ANK2: variants seen among roughly 807,000 people sequenced by gnomAD.
ANK2 encodes ankyrin 2, also known as ankyrin-2.
In ANK2, 83 loss-of-function variants were observed where a neutral mutation model predicts 360.5. The ratio of observed to expected loss-of-function variants is 0.23; its 90% confidence interval spans 0.19 to 0.28. The LOEUF is 0.28. Among genes scored for constraint, ANK2 ranks in the 10% least tolerant of loss-of-function variants. ANK2 has a pLI of 1.00. For missense variants in ANK2, 4,201 were observed against 4,795.7 expected, an observed-to-expected ratio of 0.88 and a Z score of 3.66; for synonymous variants, 1,740 against 1,759.5, an observed-to-expected ratio of 0.99 and a Z score of 0.28.
At chr4:112,936,663 C>T (rs1422752543) in intron 2 of ANK2, among the ~76,000 whole-genome samples, 1 of 152,112 alleles carries the variant, frequency 6.6e-6, no homozygotes, top group East Asian at 1.9e-4. Context: ...CATTTTTAAA[C>T]TCGTTTTAGT....
intron 1 of ANK2, among the ~76,000 whole-genome samples, chr4:113,091,007 G>A (rs562396518): frequency 6.6e-6 from 1 of 152,308 alleles, no homozygotes; most frequent in Non-Finnish European, 1.5e-5. Flanking sequence ...TGGTACATCA[G>A]TGACAAAGGA....
In ANK2 at chr4:113,304,549, T is replaced by C. The variant is rs2076366028; in HGVS notation, c.2548+1710T>C. Reference sequence around the variant, plus strand: ...CATAATTATATAATCTAATGAACATTATATAAATATTTTTCCACAACTATT... The same window carrying C: ...CATAATTATATAATCTAATGAACATCATATAAATATTTTTCCACAACTATT... On this transcript the variant is annotated intron_variant, in intron 23 of 45. Coordinates refer to ENST00000357077, the MANE Select transcript of ANK2 (RefSeq NM_001148.6). Among the ~76,000 whole-genome samples, 3 of 152,162 alleles carry C rather than the reference T, an allele frequency of 2.0e-5. No individual in the cohort carries two copies. In the South Asian group the frequency reaches 6.2e-4, roughly 32 times the overall value.
At chr4:112,750,734 C>T in the ANK2 span, among the ~76,000 whole-genome samples, 2 of 146,014 alleles carry the variant, frequency 1.4e-5, no homozygotes, top group African/African-American at 5.0e-5. Context: ...TTCCTTTTTT[C>T]TTTTTTTTTT....
intron 1 of ANK2, among the ~76,000 whole-genome samples, chr4:113,105,325 A>G (rs1412007918): frequency 1.3e-5 from 2 of 152,188 alleles, no homozygotes; most frequent in East Asian, 3.8e-4. Flanking sequence ...TTTGGAAGTC[A>G]GTATCAAGTG....
At chr4:113,308,449 T>C (rs2078290503) in intron 23 of ANK2, among the ~76,000 whole-genome samples, 1 of 152,208 alleles carries the variant, frequency 6.6e-6, no homozygotes, top group Non-Finnish European at 1.5e-5. Context: ...AATACAGATC[T>C]GTGTATTGTT....
chr4:112,852,318 G>T (rs2065206256), intron 1 of ANK2, among the ~76,000 whole-genome samples: 1 of 151,954 alleles, frequency 6.6e-6, no homozygotes, highest in East Asian at 1.9e-4. Context: ...CACCCAGATG[G>T]CTCTCTGTGT....
At chr4:113,281,965 A>G (rs930076758) in intron 17 of ANK2, among the ~76,000 whole-genome samples, 13 of 152,218 alleles carry the variant, frequency 8.5e-5, no homozygotes, top group African/African-American at 2.9e-4. Flanking sequence ...AATGCAACCC[A>G]TTAAAGACAG....
intron 1 of ANK2, among the ~76,000 whole-genome samples, chr4:112,849,042 C>T (rs2064005973): frequency 6.6e-6 from 1 of 152,192 alleles, no homozygotes. Flanking sequence ...AATGTAGTTT[C>T]ATAGTCCATG....
chr4:112,765,638 G>T, the ANK2 span, among the ~76,000 whole-genome samples: 2 of 148,050 alleles, frequency 1.4e-5, no homozygotes, highest in African/African-American at 5.0e-5. Flanking sequence ...CTGTGTTCTG[G>T]AACAACTCCC....
Position 113,245,162 on chromosome 4 carries a change from A to G in ANK2, c.891+2953A>G, listed in dbSNP as rs925075543. Among the ~76,000 whole-genome samples, 6 of 152,102 alleles carry G rather than the reference A, an allele frequency of 3.9e-5. No individual in the cohort carries two copies. In the East Asian group the frequency reaches 7.7e-4, roughly 20 times the overall value. On this transcript the variant is annotated intron_variant, in intron 9 of 45. Transcript: ENST00000357077. ...TTAAAAGCATTGTTGGGTTCTTTTC[A>G]TTCTGGCTACAGCTAACAGACCTAT...
chr4:113,029,739 C>G (rs1301054450), intron 2 of ANK2, among the ~76,000 whole-genome samples: 1 of 152,062 alleles, frequency 6.6e-6, no homozygotes, highest in Admixed American at 6.6e-5. Flanking sequence ...TGCTTGCTCT[C>G]TGTCCATCCA....
intron 18 of ANK2, among the ~76,000 whole-genome samples, chr4:113,284,546 T>C (rs1249969207): frequency 1.3e-5 from 2 of 152,220 alleles, no homozygotes; most frequent in African/African-American, 2.4e-5. Flanking sequence ...TTCTTCTAAA[T>C]ACATTACTTT....
intron 1 of ANK2, among the ~76,000 whole-genome samples, chr4:113,076,714 T>G (rs2080159368): frequency 6.6e-6 from 1 of 151,764 alleles, no homozygotes; most frequent in Non-Finnish European, 1.5e-5. Context: ...GAGGATCACT[T>G]GAGTCTGGGA....
chr4:112,836,363 A>G (rs2060988125), intron 1 of ANK2, among the ~76,000 whole-genome samples: 1 of 152,208 alleles, frequency 6.6e-6, no homozygotes, highest in East Asian at 1.9e-4. Flanking sequence ...CTCAGGTAGT[A>G]TCTTTATAGC....
intron 1 of ANK2, among the ~76,000 whole-genome samples, chr4:112,894,515 G>A (rs1023847321): frequency 2.0e-5 from 3 of 152,142 alleles, no homozygotes; most frequent in Admixed American, 6.5e-5. Flanking sequence ...AAGAGTTGAC[G>A]ATAATGGAAG....
chr4:113,242,239 C>G (rs2153574303), intron 9 of ANK2, 30 bp downstream of exon 9: 1 of 1,582,772 alleles, frequency 6.3e-7, no homozygotes, highest in South Asian at 1.1e-5. Context: ...CAATTTTCTA[C>G]CATTATTATT....
intron 45 of ANK2, 142 bp from the exon 46 acceptor site, chr4:113,381,313 CTA>C (rs557264124): frequency 2.0e-5 from 17 of 848,512 alleles, no homozygotes; most frequent in South Asian, 1.9e-4. Flanking sequence ...AAAAAGATGT[CTA>C]TAGTTTGTTA....
At chr4:113,216,321 TGCGTAGCACAGTTTATA>T (rs1189698562) in intron 4 of ANK2, among the ~76,000 whole-genome samples, 2 of 152,236 alleles carry the variant, frequency 1.3e-5, no homozygotes, top group Non-Finnish European at 2.9e-5. Flanking sequence ...TCGAAGCCTA[TGCGTAGCACAGTTTATA>T]ATGCCAGGAA....
chr4:113,372,944 C>A, intron 43 of ANK2, 146 bp from the exon 44 acceptor site: 1 of 821,558 alleles, frequency 1.2e-6, no homozygotes, highest in Non-Finnish European at 2.2e-6. Context: ...TTGAGTTTTT[C>A]ACTAGTTGAC....
Sources: gnomAD v4.1 joint callset for allele counts (sites outside exome capture counted in the v4.1 genomes callset) on GRCh38, gnomAD v4.1.1 for gene constraint, MANE v1.5 for transcripts, NCBI Gene and HGNC (gene_info 2026-07-23, HGNC 2026-07-21) for gene names.